Variants in BRAF observed in about 807,000 individuals in gnomAD.
The protein encoded by BRAF is B-Raf proto-oncogene, serine/threonine kinase, also known as serine/threonine-protein kinase B-raf.
In BRAF, 16 loss-of-function variants were observed where a neutral mutation model predicts 104.6. The observed-to-expected ratio is 0.15, with a 90% CI of 0.10 to 0.23. The LOEUF is 0.23. Ranked by LOEUF, BRAF falls within the 10% of genes least tolerant of loss-of-function variation. The pLI is 1.00. For missense variants in BRAF, 541 were observed against 937.3 expected (o/e 0.58, Z 5.52); for synonymous variants, 310 against 341.6 (o/e 0.91, Z 1.02).
Position 140,720,497 on chromosome 7 carries a change from T to C in BRAF, c.*5997A>G, listed in dbSNP as rs1438107792. The C allele has an allele frequency of 1.9e-6, 2 of 1,064,398 alleles. No homozygotes were observed. Among genetic ancestry groups the C allele is most frequent in the Admixed American group, 5.3e-5 (1 of 18,708 alleles). 65.9% of individuals were successfully genotyped at this position (1,064,398 alleles called of 1,614,324 possible). On this transcript the variant is annotated 3_prime_UTR_variant, in exon 20 of 20. Transcript: ENST00000644969. ...TATATGTTGATATAGCTGGTTTTAA[T>C]CAGCTATGGAACATACACAAATGTA...
Position 140,721,792 on chromosome 7 carries a change from T to C in BRAF, c.*4702A>G, listed in dbSNP as rs1795338285. ...CCACAGCATGGAATATGTTTTCTTTTACATCCAATGGCCAGGTCATAAAGG... is the reference window on the plus strand; with the variant it reads ...CCACAGCATGGAATATGTTTTCTTTCACATCCAATGGCCAGGTCATAAAGG... On this transcript the variant is annotated 3_prime_UTR_variant, in exon 20 of 20. Coordinates refer to ENST00000644969, the MANE Select transcript of BRAF (RefSeq NM_001374258.1). 5 of 1,428,136 alleles carry C rather than the reference T, an allele frequency of 3.5e-6. No individual in the cohort carries two copies. Among genetic ancestry groups the C allele is most frequent in the Non-Finnish European group, 4.6e-6 (5 of 1,092,798 alleles). 88.5% of individuals were successfully genotyped at this position (1,428,136 alleles called of 1,614,324 possible).
chr7:140,755,396 T>C (rs1040518514), intron 14 of BRAF, among the ~76,000 whole-genome samples: 4 of 152,248 alleles, frequency 2.6e-5, no homozygotes, highest in African/African-American at 9.6e-5. Flanking sequence ...CAATAAACAC[T>C]GTTAAAAGTG....
intron 1 of BRAF, among the ~76,000 whole-genome samples, chr7:140,893,834 AAAAAC>A (rs1814558558): frequency 6.6e-6 from 1 of 152,154 alleles, no homozygotes; most frequent in African/African-American, 2.4e-5. Context: ...AAATGACTGA[AAAAAC>A]AAAATTGAAG....
chr7:140,768,499 C>CT (rs1428426250), intron 14 of BRAF, among the ~76,000 whole-genome samples: 1 of 151,980 alleles, frequency 6.6e-6, no homozygotes, highest in African/African-American at 2.4e-5. Flanking sequence ...TCACTGACTT[C>CT]TTTTTTTCTT....
intron 1 of BRAF, among the ~76,000 whole-genome samples, chr7:140,898,240 A>C (rs983830324): frequency 6.6e-6 from 1 of 152,184 alleles, no homozygotes. Context: ...AAGGACTAGA[A>C]GGAAATATTT....
At chr7:140,799,999 G>C in intron 7 of BRAF, 1 of 406,594 alleles carries the variant, frequency 2.5e-6, no homozygotes, top group East Asian at 4.2e-5. Context: ...TATCTGACTG[G>C]TGTGATAAAA....
At chr7:140,812,103 A>G (rs1804334101) in intron 3 of BRAF, among the ~76,000 whole-genome samples, 1 of 147,566 alleles carries the variant, frequency 6.8e-6, no homozygotes. Flanking sequence ...CTTTGTTTTT[A>G]ATTTTTTACT....
chr7:140,853,548 G>A (rs1368356531), intron 1 of BRAF, among the ~76,000 whole-genome samples: 1 of 152,104 alleles, frequency 6.6e-6, no homozygotes, highest in African/African-American at 2.4e-5. Context: ...AACTGAACGT[G>A]CCAAGTATAC....
intron 1 of BRAF, among the ~76,000 whole-genome samples, chr7:140,862,358 G>A (rs1810512102): frequency 6.6e-6 from 1 of 152,074 alleles, no homozygotes; most frequent in South Asian, 2.1e-4. Context: ...AAAGAAATGG[G>A]TGATACAAGT....
In BRAF at chr7:140,787,603, G is replaced by A. The variant is rs71645959; in HGVS notation, c.1141-19C>T. 6.0e-4 allele frequency: 956 copies of A among 1,598,070 alleles called. 5 individuals carry two copies. The African/African-American group carries it at 0.012, about 19-fold the overall frequency. ...TCAAGTCCTACAAATAAATAGTAAT[G>A]TATATTTATTCCAAGCAAGCATATA... On this transcript the variant is annotated intron_variant, in intron 8 of 19. Transcript: ENST00000644969.
At chr7:140,892,722 T>G (rs1814388159) in intron 1 of BRAF, among the ~76,000 whole-genome samples, 1 of 152,194 alleles carries the variant, frequency 6.6e-6, no homozygotes, top group African/African-American at 2.4e-5. Flanking sequence ...TTACGAGTTT[T>G]TATCTGGTTT....
chr7:140,787,837 CA>C (rs1421727261), intron 8 of BRAF, among the ~76,000 whole-genome samples: 7 of 152,068 alleles, frequency 4.6e-5, no homozygotes, highest in Non-Finnish European at 1.0e-4. Context: ...CATTTCAGGC[CA>C]TTCAAAACCA....
chr7:140,768,998 A>G (rs538085863), intron 14 of BRAF, among the ~76,000 whole-genome samples: 1 of 152,272 alleles, frequency 6.6e-6, no homozygotes, highest in East Asian at 1.9e-4. Context: ...TATGAGAAAT[A>G]AGTTTCTTTT....
intron 2 of BRAF, among the ~76,000 whole-genome samples, chr7:140,842,170 G>GT (rs1351965607): frequency 6.6e-6 from 1 of 152,172 alleles, no homozygotes; most frequent in African/African-American, 2.4e-5. Flanking sequence ...GCTGCCAAGT[G>GT]TAAGAATGAT....
rs369012646 is a variant in BRAF, at chr7:140,870,871, T to TAA, written c.139-20661_139-20660dup. On this transcript the variant is annotated intron_variant, in intron 1 of 19. Transcript: ENST00000644969. ...ATCAAAATCACTGCCTTTTCTTACTTAAAAAAAAAAAAAAAAAAGACTTTT... is the reference window on the plus strand; with the variant it reads ...ATCAAAATCACTGCCTTTTCTTACTTAAAAAAAAAAAAAAAAAAAAGACTTTT... Among the ~76,000 whole-genome samples, 528 of 125,144 alleles carry TAA rather than the reference T, an allele frequency of 4.2e-3. 4 individuals carry two copies. Among genetic ancestry groups the TAA allele is most frequent in the African/African-American group, 0.013 (455 of 34,642 alleles). The allele number at this position is 125,144 out of a possible 152,430, so 82.1% of individuals were successfully genotyped here. A position where few individuals can be genotyped will look rare whatever the true frequency, so the allele number is the denominator to read the frequency against.
intron 8 of BRAF, among the ~76,000 whole-genome samples, chr7:140,788,258 G>T (rs942288559): frequency 6.6e-6 from 1 of 152,182 alleles, no homozygotes; most frequent in East Asian, 1.9e-4. Flanking sequence ...CTACTTCTGG[G>T]AACTTTTCTT....
chr7:140,801,680 C>T, intron 5 of BRAF, 120 bp from the exon 6 acceptor site: 1 of 1,105,908 alleles, frequency 9.0e-7, no homozygotes, highest in South Asian at 1.4e-5. Context: ...ATGAAACTCA[C>T]ATACTAAAGT....
intron 5 of BRAF, among the ~76,000 whole-genome samples, chr7:140,803,174 A>G (rs1803307418): frequency 6.6e-6 from 1 of 152,250 alleles, no homozygotes; most frequent in South Asian, 2.1e-4. Flanking sequence ...GTGTAAGCAC[A>G]TAACAAAATC....
At chr7:140,813,949 G>A (rs2109745) in intron 3 of BRAF, among the ~76,000 whole-genome samples, 1 of 151,974 alleles carries the variant, frequency 6.6e-6, no homozygotes, top group African/African-American at 2.4e-5. Context: ...AAGGTGCAGA[G>A]AAAATTGGAT....
Sources: allele counts gnomAD v4.1 joint callset (sites outside exome capture counted in the v4.1 genomes callset), GRCh38; gene constraint gnomAD v4.1.1; transcripts MANE v1.5; gene names NCBI Gene and HGNC (gene_info 2026-07-23, HGNC 2026-07-21).